SCLT1: variants seen among roughly 807,000 people sequenced by gnomAD.
SCLT1 encodes sodium channel and clathrin linker 1.
A neutral mutation model predicts 112.8 loss-of-function variants in SCLT1; 78 were observed. That is an observed-to-expected ratio of 0.69 (90% CI 0.58 to 0.83). The LOEUF is 0.83. Ranked by LOEUF, SCLT1 falls within the 40% of genes least tolerant of loss-of-function variation. SCLT1 has a pLI of 0.00. For synonymous variants in SCLT1, 257 were observed against 254.7 expected (o/e 1.01, Z -0.09); for missense variants, 747 against 770.4 (o/e 0.97, Z 0.36).
chr4:128,997,995 T>C (rs1278650201), intron 7 of SCLT1, 56 bp from the exon 8 acceptor site: 1 of 814,442 alleles, frequency 1.2e-6, no homozygotes, highest in African/African-American at 1.8e-5. Context: ...TTATAACCCA[T>C]ATTTAAAATT....
chr4:128,976,692 A>T (rs1042562698), intron 9 of SCLT1, among the ~76,000 whole-genome samples: 1 of 152,232 alleles, frequency 6.6e-6, no homozygotes, highest in Non-Finnish European at 1.5e-5. Flanking sequence ...AAACATTATG[A>T]TTCTGAGTAT....
chr4:129,055,807 C>T (rs539538982), intron 2 of SCLT1, among the ~76,000 whole-genome samples: 15 of 149,796 alleles, frequency 1.0e-4, no homozygotes, highest in African/African-American at 2.5e-4. Context: ...GGGTTCCAGG[C>T]GCCACTGGCA....
Position 129,093,129 on chromosome 4 carries a change from T to C in SCLT1, c.-26A>G, listed in dbSNP as rs930294516. 3.7e-6 allele frequency: 6 copies of C among 1,609,992 alleles called. No individual in the cohort carries two copies. The highest frequency in any genetic ancestry group is 5.1e-6 in the Non-Finnish European group (6 of 1,176,180). ...TTCGATACAATTTTAGTTTAGAGCT[T>C]TCACCACCTTTACCTTCCTCTGAAA... On this transcript the variant is annotated 5_prime_UTR_variant, in exon 1 of 21. Coordinates refer to ENST00000281142, the MANE Select transcript of SCLT1 (RefSeq NM_144643.4).
intron 5 of SCLT1, among the ~76,000 whole-genome samples, chr4:129,022,005 C>A (rs374620044): frequency 2.0e-5 from 3 of 152,284 alleles, no homozygotes; most frequent in Non-Finnish European, 1.5e-5. Flanking sequence ...GATACCCAGG[C>A]GAACAGGTCT....
At chr4:129,005,726 T>C (rs530473445) in intron 5 of SCLT1, among the ~76,000 whole-genome samples, 39 of 151,698 alleles carry the variant, frequency 2.6e-4, no homozygotes, top group African/African-American at 7.7e-4. Flanking sequence ...CGTATGTTTA[T>C]TGCGGCATTA....
rs776352699 is a variant in SCLT1, at chr4:128,999,762, A to G, written c.459T>C (p.Thr153=). ...EKTQAVELWQ[T]VSQELDRLHK... ...GTAGTCTGTCCAACTCCTGAGAAAC[A>G]GTCTGCCAGAGTTCCACAGCCTGAG... is the stretch of plus-strand genomic sequence containing the variant. The change falls in exon 7 of 21, where the codon ACT becomes ACC. Residue 153 remains threonine, a synonymous_variant. Transcript: ENST00000281142. The G allele has an allele frequency of 6.2e-7, 1 of 1,601,816 alleles. No individual in the cohort carries two copies. Among genetic ancestry groups the G allele is most frequent in the Non-Finnish European group, 8.5e-7 (1 of 1,172,818 alleles).
At position 129,063,832 on chromosome 4, in the gene SCLT1, T is replaced by C. The variant is rs1214835989; in HGVS notation, c.102+18474A>G. Among the ~76,000 whole-genome samples the C allele has an allele frequency of 2.0e-5, 3 of 152,236 alleles. No homozygotes were observed. In the East Asian group the frequency reaches 5.8e-4, roughly 29 times the overall value. ...TTATTCTGGGTGAGTCAAAAAGAGG[T>C]GGGTCTTTTCGAGTGTCCTGCACAG... On this transcript the variant is annotated intron_variant, in intron 2 of 20. Coordinates refer to ENST00000281142, the MANE Select transcript of SCLT1 (RefSeq NM_144643.4).
intron 9 of SCLT1, among the ~76,000 whole-genome samples, chr4:128,977,278 C>T (rs1741260026): frequency 6.6e-6 from 1 of 152,132 alleles, no homozygotes; most frequent in Non-Finnish European, 1.5e-5. Flanking sequence ...GCTGGTGGCT[C>T]ATCAGTTTTT....
chr4:128,913,844 C>T (rs1390862610), intron 18 of SCLT1, among the ~76,000 whole-genome samples: 4 of 151,992 alleles, frequency 2.6e-5, no homozygotes, highest in Admixed American at 2.6e-4. Flanking sequence ...GTTTGTCTCC[C>T]CTATTAGAAT....
intron 2 of SCLT1, among the ~76,000 whole-genome samples, chr4:129,079,343 T>C (rs1301503301): frequency 6.6e-6 from 1 of 152,120 alleles, no homozygotes; most frequent in Non-Finnish European, 1.5e-5. Flanking sequence ...AAAAACAAGT[T>C]AGTTACTTCC....
At chr4:128,900,936 C>T (rs571055663) in intron 18 of SCLT1, among the ~76,000 whole-genome samples, 2 of 152,212 alleles carry the variant, frequency 1.3e-5, no homozygotes, top group East Asian at 3.9e-4. Context: ...CTCATCATCA[C>T]TGGCCATCAG....
At chr4:128,917,230 CTG>C (rs1735550170) in intron 18 of SCLT1, among the ~76,000 whole-genome samples, 1 of 152,138 alleles carries the variant, frequency 6.6e-6, no homozygotes, top group African/African-American at 2.4e-5. Flanking sequence ...GTCCAGGGAA[CTG>C]TGAGCATAAC....
At chr4:129,047,053 T>C (rs991671036) in intron 2 of SCLT1, among the ~76,000 whole-genome samples, 2 of 152,128 alleles carry the variant, frequency 1.3e-5, no homozygotes, top group African/African-American at 4.8e-5. Context: ...ATTACAAATA[T>C]ATTCTCCATT....
intron 5 of SCLT1, among the ~76,000 whole-genome samples, chr4:129,005,048 C>A (rs375259832): frequency 6.6e-6 from 1 of 151,716 alleles, no homozygotes; most frequent in East Asian, 1.9e-4. Flanking sequence ...ATGAAAAAAA[C>A]CATTATTAAT....
intron 2 of SCLT1, among the ~76,000 whole-genome samples, chr4:129,049,728 AATTTTT>A (rs1437065559): frequency 1.0e-4 from 15 of 150,498 alleles, no homozygotes; most frequent in East Asian, 3.9e-4. Flanking sequence ...GCAGTTTTTT[AATTTTT>A]ATTTTTATTT....
chr4:129,052,362 T>C (rs936167734), intron 2 of SCLT1, among the ~76,000 whole-genome samples: 9 of 152,186 alleles, frequency 5.9e-5, no homozygotes, highest in Non-Finnish European at 1.0e-4. Context: ...CCTGGACTTT[T>C]TTTGGTTGGT....
chr4:128,999,584 T>A, intron 7 of SCLT1, 88 bp downstream of exon 7: 1 of 830,304 alleles, frequency 1.2e-6, no homozygotes, highest in Non-Finnish European at 1.9e-6. Flanking sequence ...TGCTATAGGG[T>A]AGAGTCTTAA....
chr4:129,067,940 C>T (rs529196085), intron 2 of SCLT1, among the ~76,000 whole-genome samples: 1 of 151,732 alleles, frequency 6.6e-6, no homozygotes, highest in Non-Finnish European at 1.5e-5. Context: ...GTGCACCCAA[C>T]ACCCGAGCAG....
At chr4:129,054,529 G>A (rs1005201734) in intron 2 of SCLT1, among the ~76,000 whole-genome samples, 6 of 151,648 alleles carry the variant, frequency 4.0e-5, no homozygotes, top group Admixed American at 6.6e-5. Context: ...CCTTTCTTCC[G>A]CTTGATCGAT....
Sources: gnomAD v4.1 joint callset for allele counts (sites outside exome capture counted in the v4.1 genomes callset) on GRCh38, gnomAD v4.1.1 for gene constraint, MANE v1.5 for transcripts, NCBI Gene and HGNC (gene_info 2026-07-23, HGNC 2026-07-21) for gene names.